Variants in PUS10 observed in about 807,000 individuals in gnomAD.
The protein encoded by PUS10 is tRNA pseudouridine synthase Pus10.
A neutral mutation model predicts 75.0 loss-of-function variants in PUS10; 59 were observed. That is an observed-to-expected ratio of 0.79 (90% CI 0.64 to 0.98). PUS10 has a LOEUF of 0.98. PUS10 is among the 50% of genes least tolerant of loss of function. PUS10 has a pLI of 0.00. For synonymous variants in PUS10, 219 were observed against 211.6 expected (o/e 1.03, Z -0.30); for missense variants, 650 against 614.4 (o/e 1.06, Z -0.61).
intron 7 of PUS10, 128 bp from the exon 8 acceptor site, chr2:60,965,231 T>C: frequency 2.0e-6 from 2 of 1,015,798 alleles, no homozygotes; most frequent in Admixed American, 2.1e-5. Flanking sequence ...TGAGTCCCTG[T>C]ATGAGCTATA....
chr2:60,977,984 T>C (rs1283986100), intron 4 of PUS10, among the ~76,000 whole-genome samples: 1 of 152,146 alleles, frequency 6.6e-6, no homozygotes, highest in Non-Finnish European at 1.5e-5. Context: ...AAGCTATTAA[T>C]AGTAACAGTA....
At chr2:61,011,585 A>G (rs1241694856) in intron 2 of PUS10, among the ~76,000 whole-genome samples, 180 bp downstream of exon 2, 1 of 152,228 alleles carries the variant, frequency 6.6e-6, no homozygotes, top group Non-Finnish European at 1.5e-5. Flanking sequence ...TAATCACTTA[A>G]GAAGGAACTT....
At chr2:60,973,623 C>T (rs1003320969) in intron 4 of PUS10, among the ~76,000 whole-genome samples, 1 of 152,248 alleles carries the variant, frequency 6.6e-6, no homozygotes, top group Non-Finnish European at 1.5e-5. Flanking sequence ...CCTGCAGGCG[C>T]CCCTTGGCAA....
intron 4 of PUS10, among the ~76,000 whole-genome samples, chr2:60,996,553 A>G (rs1347211536): frequency 1.3e-5 from 2 of 152,144 alleles, no homozygotes; most frequent in African/African-American, 4.8e-5. Flanking sequence ...AGTCAGGTAA[A>G]TAAAACATAT....
At chr2:60,945,284 C>A (rs1488477828) in intron 16 of PUS10, among the ~76,000 whole-genome samples, 176 bp from the exon 17 acceptor site, 2 of 152,178 alleles carry the variant, frequency 1.3e-5, no homozygotes, top group African/African-American at 4.8e-5. Context: ...AGTAGCCTGG[C>A]AGCCAACATC....
intron 5 of PUS10, among the ~76,000 whole-genome samples, chr2:60,970,103 G>A (rs1573430901): frequency 6.6e-6 from 1 of 151,054 alleles, no homozygotes; most frequent in Non-Finnish European, 1.5e-5. Flanking sequence ...AACAAAACCC[G>A]AAATAAAAAC....
intron 4 of PUS10, among the ~76,000 whole-genome samples, chr2:61,003,227 C>T (rs1284731393): frequency 3.3e-5 from 5 of 152,118 alleles, no homozygotes; most frequent in South Asian, 2.1e-4. Flanking sequence ...TTTGGGAGGC[C>T]GAGGCGGGCA....
At chr2:60,960,250 G>A (rs768679648) in intron 11 of PUS10, 142 bp downstream of exon 11, 20 of 532,872 alleles carry the variant, frequency 3.8e-5, no homozygotes, top group Non-Finnish European at 4.9e-5. Context: ...AGGCCAAGGT[G>A]GGCAGATCGT....
intron 1 of PUS10, chr2:61,017,420 C>A (rs904617658): frequency 2.7e-5 from 6 of 224,394 alleles, no homozygotes; most frequent in Admixed American, 5.6e-5. Context: ...CGGCTTTACT[C>A]CCAGCCCGAC....
Position 60,954,118 on chromosome 2 carries a change from T to C in PUS10, c.1098A>G (p.Val366=). 6 of 1,614,208 alleles carry C rather than the reference T, an allele frequency of 3.7e-6. No individual in the cohort carries two copies. Among genetic ancestry groups the C allele is most frequent in the Non-Finnish European group, 5.1e-6 (6 of 1,180,016 alleles). Residue 366 remains valine (V), a synonymous_variant, in exon 13 of 18, where the codon GTA becomes GTG. Transcript: ENST00000316752. The part of the protein sequence containing the change: ...FAIELVNPHR[V]HFTSQEIKEL... ...CCTTAATTTCTTGTGAAGTGAAATG[T>C]ACTCTATGAGGATTCACCAGCTCAA...
intron 4 of PUS10, among the ~76,000 whole-genome samples, chr2:60,995,252 T>A (rs1316967526): frequency 6.6e-6 from 1 of 152,200 alleles, no homozygotes; most frequent in East Asian, 1.9e-4. Flanking sequence ...AAAGAGCACA[T>A]GCAACACACT....
At chr2:60,965,708 CA>C in intron 6 of PUS10, 1 of 339,956 alleles carries the variant, frequency 2.9e-6, no homozygotes, top group Non-Finnish European at 5.3e-6. Flanking sequence ...GTGATCCTAC[CA>C]AAAAAGTTTT....
chr2:61,017,540 C>T (rs1450277416), intron 1 of PUS10: 1 of 529,040 alleles, frequency 1.9e-6, no homozygotes, highest in African/African-American at 1.9e-5. Flanking sequence ...GCAGCTCTTT[C>T]TGGGGCAAAT....
intron 4 of PUS10, among the ~76,000 whole-genome samples, chr2:60,975,126 C>T (rs2104447132): frequency 6.6e-6 from 1 of 152,256 alleles, no homozygotes; most frequent in East Asian, 1.9e-4. Flanking sequence ...TTTCAAAATG[C>T]ATGGGCATAG....
chr2:61,011,545 C>T lies in PUS10; in HGVS notation c.126+220G>A, dbSNP rs11904283. Reference sequence around the variant, plus strand: ...ACCAGGGAGTTCCTCCACAAAGATCCCATTACACTAAATGTTAGAAAGCTA... The same window carrying T: ...ACCAGGGAGTTCCTCCACAAAGATCTCATTACACTAAATGTTAGAAAGCTA... On this transcript the variant is annotated intron_variant, in intron 2 of 17. Coordinates refer to ENST00000316752, the MANE Select transcript of PUS10 (RefSeq NM_144709.4). Among the ~76,000 whole-genome samples the T allele has an allele frequency of 5.8e-3, 878 of 152,090 alleles. 9 individuals carry two copies. Among genetic ancestry groups the T allele is most frequent in the African/African-American group, 0.02 (838 of 41,492 alleles).
intron 4 of PUS10, among the ~76,000 whole-genome samples, chr2:60,972,017 C>A (rs941239707): frequency 1.3e-5 from 2 of 150,024 alleles, no homozygotes; most frequent in African/African-American, 4.9e-5. Context: ...ATTACAAATG[C>A]CTGCCACCAC....
chr2:61,016,248 T>C (rs1255640291), intron 1 of PUS10, among the ~76,000 whole-genome samples: 1 of 152,140 alleles, frequency 6.6e-6, no homozygotes, highest in Non-Finnish European at 1.5e-5. Flanking sequence ...GGTCTAAAAA[T>C]AGACCCCAAA....
At chr2:61,011,679 C>A (rs1407492832) in intron 2 of PUS10, 86 bp downstream of exon 2, 2 of 952,828 alleles carry the variant, frequency 2.1e-6, no homozygotes, top group African/African-American at 1.7e-5. Context: ...TGAATAGATA[C>A]CTGCCCTCAA....
At chr2:60,977,676 T>G (rs996635367) in intron 4 of PUS10, among the ~76,000 whole-genome samples, 1 of 152,160 alleles carries the variant, frequency 6.6e-6, no homozygotes, top group Non-Finnish European at 1.5e-5. Context: ...AATGAGAGAA[T>G]GTGTCCAGCC....
Sources: gnomAD v4.1 joint callset for allele counts (sites outside exome capture counted in the v4.1 genomes callset) on GRCh38, gnomAD v4.1.1 for gene constraint, MANE v1.5 for transcripts, NCBI Gene and HGNC (gene_info 2026-07-23, HGNC 2026-07-21) for gene names.